The following SENP6 variants were observed in gnomAD, a reference collection of about 807,000 sequenced individuals.
SENP6 encodes the protein SUMO specific peptidase 6.
Under a neutral mutation model 134.5 loss-of-function variants are expected in SENP6, and 41 were observed. The ratio of observed to expected loss-of-function variants is 0.30; its 90% CI spans 0.24 to 0.40. The LOEUF (loss-of-function observed/expected upper bound fraction) is 0.40, where lower values mean the gene tolerates loss of function less well. SENP6 is among the 10% of genes least tolerant of loss of function. The pLI, the probability that SENP6 is intolerant of heterozygous loss-of-function variation, is 1.00. For missense variants in SENP6, 1,248 were observed against 1,312.5 expected (o/e 0.95, Z 0.76); for synonymous variants, 395 against 429.8 (o/e 0.92, Z 1.00).
intron 6 of SENP6, among the ~76,000 whole-genome samples, chr6:75,641,778 G>T (rs1284319215): frequency 6.6e-6 from 1 of 152,094 alleles, no homozygotes; most frequent in Non-Finnish European, 1.5e-5. Flanking sequence ...AGGAGTTCCA[G>T]ACTAGCCTTG....
In SENP6 at chr6:75,670,651, C is replaced by G. The variant is rs768474460; in HGVS notation, c.1323C>G (p.Asp441Glu). Residue 441 changes from aspartate (D) to glutamate (E), a missense_variant, in exon 11 of 24, where the codon GAC (aspartate) becomes GAG (glutamate). Coordinates refer to ENST00000447266, the MANE Select transcript of SENP6 (RefSeq NM_015571.4). ...ALALSCQSSF[D>E]SVILNCRSIR... ...CTTTAAGCTGCCAAAGTTCCTTTGACAGTGTCATTTTAAACTGTCGAAGTA... is the reference window on the plus strand; with the variant it reads ...CTTTAAGCTGCCAAAGTTCCTTTGAGAGTGTCATTTTAAACTGTCGAAGTA... 1 of 1,613,570 alleles carries G rather than the reference C, an allele frequency of 6.2e-7. No individual in the cohort carries two copies. The highest frequency in any genetic ancestry group is 1.1e-5 in the South Asian group (1 of 91,068).
chr6:75,616,354 C>T (rs1767844112), intron 1 of SENP6, among the ~76,000 whole-genome samples: 1 of 152,110 alleles, frequency 6.6e-6, no homozygotes, highest in African/African-American at 2.4e-5. Flanking sequence ...TTTTAAAAAT[C>T]TCTTTTCTTT....
intron 11 of SENP6, among the ~76,000 whole-genome samples, chr6:75,673,676 CAA>C (rs1582827481): frequency 6.6e-6 from 1 of 151,946 alleles, no homozygotes; most frequent in East Asian, 1.9e-4. Context: ...TTCTAAATGA[CAA>C]ATACTTAGAT....
At chr6:75,712,470 AG>A (rs978834917) in intron 21 of SENP6, among the ~76,000 whole-genome samples, 1 of 152,102 alleles carries the variant, frequency 6.6e-6, no homozygotes, top group African/African-American at 2.4e-5. Flanking sequence ...TGAGGCCAGG[AG>A]TGCAAGACCA....
At chr6:75,686,486 A>G (rs1773849649) in intron 16 of SENP6, among the ~76,000 whole-genome samples, 1 of 152,184 alleles carries the variant, frequency 6.6e-6, no homozygotes. Flanking sequence ...GTTTCTTCAT[A>G]GCATCGATGG....
intron 16 of SENP6, among the ~76,000 whole-genome samples, chr6:75,694,177 A>C (rs992841084): frequency 6.6e-6 from 1 of 152,088 alleles, no homozygotes; most frequent in African/African-American, 2.4e-5. Flanking sequence ...AATCGCTTGA[A>C]CCCGGGAGGT....
chr6:75,701,716 T>G (rs1361139639), intron 18 of SENP6, among the ~76,000 whole-genome samples: 1 of 132,956 alleles, frequency 7.5e-6, no homozygotes, highest in East Asian at 2.4e-4. Context: ...CTCAGCTCAC[T>G]GCAACCTCCG....
At chr6:75,619,998 C>T (rs904314190) in intron 1 of SENP6, among the ~76,000 whole-genome samples, 2 of 146,922 alleles carry the variant, frequency 1.4e-5, no homozygotes, top group South Asian at 2.2e-4. Flanking sequence ...TAGGCTGAGG[C>T]GGGAAGATCA....
intron 16 of SENP6, among the ~76,000 whole-genome samples, chr6:75,690,063 C>T (rs543964516): frequency 4.6e-5 from 7 of 152,148 alleles, no homozygotes; most frequent in Non-Finnish European, 1.0e-4. Flanking sequence ...AGGTGCACAC[C>T]GTCACACCCT....
chr6:75,714,506 A>G (rs1399097622), intron 23 of SENP6, among the ~76,000 whole-genome samples: 6 of 152,192 alleles, frequency 3.9e-5, no homozygotes, highest in African/African-American at 9.6e-5. Flanking sequence ...ACAGATTCCT[A>G]TGCCTCCTGC....
intron 16 of SENP6, among the ~76,000 whole-genome samples, chr6:75,694,318 C>G (rs1442819639): frequency 6.6e-6 from 1 of 152,206 alleles, no homozygotes; most frequent in African/African-American, 2.4e-5. Context: ...ACCACCTCAC[C>G]ACTGTACAAG....
intron 16 of SENP6, among the ~76,000 whole-genome samples, chr6:75,683,762 GT>G (rs1198989515): frequency 2.6e-5 from 4 of 152,182 alleles, no homozygotes; most frequent in Non-Finnish European, 5.9e-5. Flanking sequence ...GTATATCTCT[GT>G]TTTGGTACCA....
intron 11 of SENP6, among the ~76,000 whole-genome samples, chr6:75,674,570 A>C (rs77416182): frequency 0.016 from 2,421 of 152,202 alleles, 65 homozygotes; most frequent in African/African-American, 0.056. Context: ...CCATCCTCCC[A>C]AAATGCTGGG....
chr6:75,709,384 T>C lies in SENP6; in HGVS notation c.2717-143T>C. The C allele has an allele frequency of 5.7e-6, 3 of 526,766 alleles. No individual in the cohort carries two copies. The East Asian group carries it at 8.7e-5, about 15-fold the overall frequency. 32.6% of individuals were successfully genotyped at this position (526,766 alleles called of 1,614,324 possible). A position where few individuals can be genotyped will look rare whatever the true frequency, so the allele number is the denominator to read the frequency against. On this transcript the variant is annotated intron_variant, in intron 19 of 23. Coordinates refer to ENST00000447266, the MANE Select transcript of SENP6 (RefSeq NM_015571.4). The stretch of plus-strand genomic sequence containing the variant: ...CAGGTTTTTAAAATAACTTACTTTA[T>C]GTTTGTGATATTACACACTAAGGCA...
At chr6:75,604,317 T>C (rs1471115443) in intron 1 of SENP6, among the ~76,000 whole-genome samples, 2 of 152,178 alleles carry the variant, frequency 1.3e-5, no homozygotes, top group Non-Finnish European at 2.9e-5. Context: ...AAGCAAACGG[T>C]AACTTCTTTA....
At chr6:75,697,670 TAATG>T (rs1470310886) in intron 18 of SENP6, 153 bp downstream of exon 18, 3 of 575,324 alleles carry the variant, frequency 5.2e-6, no homozygotes, top group Non-Finnish European at 9.3e-6. Context: ...TTACAAGAAT[TAATG>T]CAGTTTCACA....
rs1776005505 is a variant in SENP6 at position 75,716,063 on chromosome 6, T to C, written c.*469T>C. The C allele has an allele frequency of 6.5e-6, 1 of 152,754 alleles. No individual in the cohort carries two copies. The highest frequency in any genetic ancestry group is 2.1e-4 in the South Asian group (1 of 4,844). 9.5% of individuals were successfully genotyped at this position (152,754 alleles called of 1,614,324 possible). A position where few individuals can be genotyped will look rare whatever the true frequency, so the allele number is the denominator to read the frequency against. Reference sequence around the variant, plus strand: ...TGAAAATAATATTAAATCTAAGATATTTTGAACTAAGCATCTTTATATGCT... The same window carrying C: ...TGAAAATAATATTAAATCTAAGATACTTTGAACTAAGCATCTTTATATGCT... On this transcript the variant is annotated 3_prime_UTR_variant, in exon 24 of 24. Transcript: ENST00000447266.
At chr6:75,607,878 G>A (rs1239488867) in intron 1 of SENP6, among the ~76,000 whole-genome samples, 1 of 151,932 alleles carries the variant, frequency 6.6e-6, no homozygotes, top group Non-Finnish European at 1.5e-5. Flanking sequence ...ACTGGAGACC[G>A]TAAATACCTA....
intron 16 of SENP6, among the ~76,000 whole-genome samples, chr6:75,690,612 G>A (rs1774169052): frequency 6.6e-6 from 1 of 151,948 alleles, no homozygotes; most frequent in Non-Finnish European, 1.5e-5. Context: ...TTTTAACACT[G>A]TGCATATACT....
Sources: gnomAD v4.1 joint callset for allele counts (sites outside exome capture counted in the v4.1 genomes callset) on GRCh38, gnomAD v4.1.1 for gene constraint, MANE v1.5 for transcripts, NCBI Gene and HGNC (gene_info 2026-07-23, HGNC 2026-07-21) for gene names.